ERBIN: variants seen among roughly 807,000 people sequenced by gnomAD.
The protein encoded by ERBIN is erbb2 interacting protein.
Under a neutral mutation model 158.4 loss-of-function variants are expected in ERBIN, and 60 were observed. That is an observed-to-expected ratio of 0.38 (90% confidence interval 0.31 to 0.47). The LOEUF (loss-of-function observed/expected upper bound fraction) is 0.47. ERBIN is among the 20% of genes least tolerant of loss of function. The pLI, the probability that ERBIN is intolerant of heterozygous loss-of-function variation, is 0.99. For synonymous variants in ERBIN, 594 were observed against 557.2 expected, an observed-to-expected ratio of 1.07 and a Z score of -0.93; for missense variants, 1,610 against 1,648.0, an observed-to-expected ratio of 0.98 and a Z score of 0.40.
rs776169697 is a variant in ERBIN at position 66,043,085 on chromosome 5, A to G, written c.1315A>G (p.Ile439Val). Reference sequence around the variant, plus strand: ...TTTTTACTTTTCTCTAGTTATGTTTATATCAGATAATGAAAGTTTTAACCC... The same window carrying G: ...TTTTTACTTTTCTCTAGTTATGTTTGTATCAGATAATGAAAGTTTTAACCC... ...QQPRTEDVMFISDNESFNPSL... is the reference protein window; with the variant it reads ...QQPRTEDVMFVSDNESFNPSL... The change falls in exon 16 of 26, where the codon ATA (isoleucine) becomes GTA (valine). Residue 439 changes from isoleucine to valine, a missense_variant. Transcript: ENST00000284037. 2.5e-6 allele frequency: 4 copies of G among 1,598,650 alleles called. No individual in the cohort carries two copies. In the South Asian group the frequency reaches 3.3e-5, roughly 13 times the overall value.
At chr5:65,935,546 T>A (rs1446270539) in intron 1 of ERBIN, among the ~76,000 whole-genome samples, 2 of 152,246 alleles carry the variant, frequency 1.3e-5, no homozygotes, top group Non-Finnish European at 2.9e-5. Context: ...AGGCAAGTTT[T>A]AATTCCGTGA....
intron 1 of ERBIN, among the ~76,000 whole-genome samples, chr5:65,948,528 C>A (rs892875846): frequency 6.6e-6 from 1 of 151,752 alleles, no homozygotes; most frequent in Non-Finnish European, 1.5e-5. Flanking sequence ...ATATACAAAA[C>A]GCTCAGGGAA....
intron 5 of ERBIN, 117 bp from the exon 6 acceptor site, chr5:66,013,432 C>G (rs1754411839): frequency 1.3e-6 from 1 of 756,088 alleles, no homozygotes; most frequent in Non-Finnish European, 2.3e-6. Flanking sequence ...AGTAGCCACT[C>G]ATAACAGAAG....
intron 1 of ERBIN, among the ~76,000 whole-genome samples, chr5:65,967,673 G>A (rs1748812205): frequency 1.3e-5 from 2 of 152,184 alleles, no homozygotes; most frequent in East Asian, 1.9e-4. Context: ...GTCAAGCAAT[G>A]CACGATTGTT....
At chr5:66,044,391 A>T in intron 17 of ERBIN, 81 bp downstream of exon 17, 1 of 1,291,738 alleles carries the variant, frequency 7.7e-7, no homozygotes, top group Non-Finnish European at 1.1e-6. Flanking sequence ...GCCCCTTTTC[A>T]TGTACTCTGA....
intron 1 of ERBIN, among the ~76,000 whole-genome samples, chr5:65,947,261 C>T (rs1745882526): frequency 1.3e-5 from 2 of 151,946 alleles, no homozygotes; most frequent in African/African-American, 4.8e-5. Flanking sequence ...TGAGATGGAG[C>T]CTCTGTCATC....
chr5:65,941,312 A>AT (rs1491555673), intron 1 of ERBIN, among the ~76,000 whole-genome samples: 3,029 of 16,130 alleles, frequency 0.19, 93 homozygotes, highest in African/African-American at 0.32. Context: ...AGAATGATCA[A>AT]TAAAAAAAAA....
chr5:65,976,058 G>A (rs1749817816), intron 1 of ERBIN, among the ~76,000 whole-genome samples: 1 of 152,190 alleles, frequency 6.6e-6, no homozygotes, highest in East Asian at 1.9e-4. Flanking sequence ...AGAAACAAAG[G>A]TGATTGGGAA....
At chr5:65,950,096 C>T (rs932055209) in intron 1 of ERBIN, among the ~76,000 whole-genome samples, 9 of 152,212 alleles carry the variant, frequency 5.9e-5, no homozygotes, top group Non-Finnish European at 1.5e-5. Context: ...GCCTCCGCCT[C>T]CCAGGTTCAA....
intron 1 of ERBIN, among the ~76,000 whole-genome samples, chr5:65,953,970 T>A (rs1331644304): frequency 6.6e-6 from 1 of 151,792 alleles, no homozygotes; most frequent in Non-Finnish European, 1.5e-5. Flanking sequence ...TAAAACTTAC[T>A]GATTTCAGAA....
chr5:65,939,537 C>G (rs534816194), intron 1 of ERBIN, among the ~76,000 whole-genome samples: 5 of 151,970 alleles, frequency 3.3e-5, no homozygotes, highest in Admixed American at 2.0e-4. Flanking sequence ...CCTCTCCCCC[C>G]TCTCCCTCTC....
intron 1 of ERBIN, among the ~76,000 whole-genome samples, chr5:65,976,606 T>G (rs1337123828): frequency 6.7e-6 from 1 of 149,806 alleles, no homozygotes; most frequent in Non-Finnish European, 1.5e-5. Context: ...GAAGGGAAGG[T>G]CAGCAGATAA....
intron 21 of ERBIN, among the ~76,000 whole-genome samples, chr5:66,063,187 C>CCA (rs1760618116): frequency 6.6e-6 from 1 of 152,248 alleles, no homozygotes. Context: ...GTGGGCTTCA[C>CCA]CCAGTTCGAG....
intron 20 of ERBIN, among the ~76,000 whole-genome samples, chr5:66,051,907 A>AAAAAAAAAAAAAAAAG (rs1554065281): frequency 2.0e-5 from 3 of 148,770 alleles, no homozygotes; most frequent in African/African-American, 7.7e-5. Context: ...AAAAAAAAAA[A>AAAAAAAAAAAAAAAAG]AGAGACAGAT....
At chr5:66,042,505 C>G (rs897459820) in intron 15 of ERBIN, among the ~76,000 whole-genome samples, 2 of 151,862 alleles carry the variant, frequency 1.3e-5, no homozygotes, top group Non-Finnish European at 2.9e-5. Context: ...CAAACTATGC[C>G]AAAATCCAAA....
intron 4 of ERBIN, among the ~76,000 whole-genome samples, chr5:65,996,164 A>G (rs1448508411): frequency 6.8e-6 from 1 of 146,434 alleles, no homozygotes; most frequent in Non-Finnish European, 1.5e-5. Context: ...TTGGGGTCAT[A>G]TTAAGAAAAA....
At chr5:65,957,739 A>C (rs115588789) in intron 1 of ERBIN, among the ~76,000 whole-genome samples, 16 of 152,282 alleles carry the variant, frequency 1.1e-4, no homozygotes, top group African/African-American at 3.6e-4. Context: ...GTACACCTCT[A>C]AGATGGGGTG....
intron 7 of ERBIN, among the ~76,000 whole-genome samples, chr5:66,015,704 G>A (rs1039159799): frequency 6.6e-6 from 1 of 152,134 alleles, no homozygotes; most frequent in African/African-American, 2.4e-5. Context: ...GGGCACAGCA[G>A]CATGTAACTA....
chr5:65,965,382 G>GTTTTTTTTTTTTTTTTTTTTTTTTTT (rs200847060), intron 1 of ERBIN, among the ~76,000 whole-genome samples: 2 of 96,060 alleles, frequency 2.1e-5, no homozygotes, highest in East Asian at 3.6e-4. Context: ...GTTTTTTGTT[G>GTTTTTTTTTTTTTTTTTTTTTTTTTT]TTTTTTTTTT....
Sources: allele counts gnomAD v4.1 joint callset (sites outside exome capture counted in the v4.1 genomes callset), GRCh38; gene constraint gnomAD v4.1.1; transcripts MANE v1.5; gene names NCBI Gene and HGNC (gene_info 2026-07-23, HGNC 2026-07-21).